The following THSD7B variants were observed in gnomAD, a reference collection of about 807,000 sequenced individuals.
THSD7B encodes the protein thrombospondin type-1 domain-containing protein 7B.
A neutral mutation model predicts 213.6 loss-of-function variants in THSD7B; 138 were observed. That is an observed-to-expected ratio of 0.65 (90% CI 0.56 to 0.74). The LOEUF is 0.74. Ranked by LOEUF, THSD7B falls within the 30% of genes least tolerant of loss-of-function variation. The probability of loss-of-function intolerance (pLI) is 0.00; values close to 1 mark genes in which losing one functional copy is unlikely to be tolerated. For missense variants in THSD7B, 1,931 were observed against 1,991.5 expected, an observed-to-expected ratio of 0.97 and a Z score of 0.58; for synonymous variants, 742 against 687.0, an observed-to-expected ratio of 1.08 and a Z score of -1.25.
rs796159626 is a variant in THSD7B at position 136,976,632 on chromosome 2, C to CTT, written c.140-79778_140-79777dup. ...TCAGAGATATTGGCCTGAAGTTTTC[C>CTT]TTTTTTTTTTTCTTTTTTTGAGATG... On this transcript the variant is annotated intron_variant, in intron 2 of 27. Transcript: ENST00000409968. 3.4e-5 allele frequency among the ~76,000 whole-genome samples: 5 copies of CTT among 145,632 alleles called. No homozygotes were observed. In the East Asian group the frequency reaches 8.0e-4, roughly 23 times the overall value.
intron 2 of THSD7B, among the ~76,000 whole-genome samples, chr2:136,928,337 G>GCA (rs1201907595): frequency 4.6e-5 from 7 of 152,268 alleles, no homozygotes; most frequent in African/African-American, 1.7e-4. Flanking sequence ...TTTCTACTAA[G>GCA]CACATATGGC....
At chr2:137,242,639 T>A in intron 10 of THSD7B, 67 bp downstream of exon 10, 2 of 1,233,752 alleles carry the variant, frequency 1.6e-6, no homozygotes, top group Non-Finnish European at 2.3e-6. Flanking sequence ...TCTAAGTAAG[T>A]GAGAGGTTGT....
chr2:137,096,623 G>A (rs184321841), intron 4 of THSD7B, among the ~76,000 whole-genome samples: 34 of 152,222 alleles, frequency 2.2e-4, no homozygotes, highest in Middle Eastern at 3.4e-3. Context: ...ACCCTTCCTC[G>A]TTGTGTTGTG....
rs560982364 is a variant in THSD7B at position 137,560,061 on chromosome 2, A to G, written c.3139-3160A>G. ...GCGATCATTAAAAAGTCAGGAAACA[A>G]CAGGTGCTGGAGAGGATGTGGAGAA... is the stretch of plus-strand genomic sequence containing the variant. On this transcript the variant is annotated intron_variant, in intron 15 of 27. Coordinates refer to ENST00000409968, the MANE Select transcript of THSD7B (RefSeq NM_001316349.2). Among the ~76,000 whole-genome samples, 5 of 140,762 alleles carry G rather than the reference A, an allele frequency of 3.6e-5. No homozygotes were observed. The South Asian group carries it at 9.0e-4, about 25-fold the overall frequency. 92.3% of individuals were successfully genotyped at this position (140,762 alleles called of 152,430 possible). A position where few individuals can be genotyped will look rare whatever the true frequency, so the allele number is the denominator to read the frequency against.
At chr2:137,227,472 A>G (rs1360663614) in intron 7 of THSD7B, among the ~76,000 whole-genome samples, 2 of 152,162 alleles carry the variant, frequency 1.3e-5, no homozygotes, top group Non-Finnish European at 2.9e-5. Context: ...ATCACTTTTA[A>G]TGGCTAAGCT....
intron 1 of THSD7B, among the ~76,000 whole-genome samples, chr2:136,837,684 C>T (rs1404904155): frequency 6.6e-6 from 1 of 152,204 alleles, no homozygotes; most frequent in East Asian, 1.9e-4. Flanking sequence ...TCATCACTGT[C>T]TCTAGAAACA....
chr2:136,808,946 C>A (rs1252458284), intron 1 of THSD7B, among the ~76,000 whole-genome samples: 4 of 152,064 alleles, frequency 2.6e-5, no homozygotes, highest in African/African-American at 9.7e-5. Flanking sequence ...TTGCTTAAGC[C>A]ACTGTTTATT....
intron 2 of THSD7B, among the ~76,000 whole-genome samples, chr2:136,920,398 A>G (rs971713812): frequency 3.3e-5 from 5 of 152,178 alleles, no homozygotes; most frequent in African/African-American, 1.2e-4. Flanking sequence ...TTGGCAGAGA[A>G]GAGACCTGTA....
intron 2 of THSD7B, among the ~76,000 whole-genome samples, chr2:137,027,597 A>G (rs1487911319): frequency 6.6e-6 from 1 of 152,206 alleles, no homozygotes; most frequent in Non-Finnish European, 1.5e-5. Flanking sequence ...GAAAGAGGAA[A>G]TAAAGGTTTT....
At chr2:137,008,476 A>G (rs11889111) in intron 2 of THSD7B, among the ~76,000 whole-genome samples, 4,839 of 152,274 alleles carry the variant, frequency 0.032, 253 homozygotes, top group African/African-American at 0.11. Flanking sequence ...AGGAAAATTG[A>G]ATTTATGACC....
At position 137,419,375 on chromosome 2, in the gene THSD7B, C is replaced by T. The variant is rs1438736421; in HGVS notation, c.2959+7503C>T. ...CCCCACTTTTGGTGGGTCCTGAGTTCTTGTCCCACATCAAAGAAGAATGAG... is the reference window on the plus strand; with the variant it reads ...CCCCACTTTTGGTGGGTCCTGAGTTTTTGTCCCACATCAAAGAAGAATGAG... On this transcript the variant is annotated intron_variant, in intron 14 of 27. Transcript: ENST00000409968. Among the ~76,000 whole-genome samples, 56 of 96,016 alleles carry T rather than the reference C, an allele frequency of 5.8e-4. 6 individuals are homozygous for T. The highest frequency in any genetic ancestry group is 1.0e-3 in the Non-Finnish European group (36 of 36,048). 63.0% of individuals were successfully genotyped at this position (96,016 alleles called of 152,430 possible).
At chr2:137,198,435 C>T (rs35784757) in intron 7 of THSD7B, among the ~76,000 whole-genome samples, 7,015 of 152,212 alleles carry the variant, frequency 0.046, 198 homozygotes, top group Admixed American at 0.069. Flanking sequence ...AATGGAAAAA[C>T]GCTTCACTAC....
At chr2:136,970,207 TA>T (rs1341909739) in intron 2 of THSD7B, among the ~76,000 whole-genome samples, 1 of 152,140 alleles carries the variant, frequency 6.6e-6, no homozygotes, top group African/African-American at 2.4e-5. Context: ...CTCATACCTG[TA>T]ATCACAGCAC....
chr2:137,476,732 G>T (rs149629689), intron 15 of THSD7B, among the ~76,000 whole-genome samples: 7,109 of 152,142 alleles, frequency 0.047, 568 homozygotes, highest in African/African-American at 0.16. Flanking sequence ...TAGAGACGGG[G>T]TTTTACCATG....
At chr2:137,595,279 A>T (rs567778265) in intron 17 of THSD7B, among the ~76,000 whole-genome samples, 1 of 152,138 alleles carries the variant, frequency 6.6e-6, no homozygotes, top group East Asian at 1.9e-4. Context: ...TGAAAATGCT[A>T]TACCTGCTCC....
chr2:137,416,662 C>T (rs537197178), intron 14 of THSD7B, among the ~76,000 whole-genome samples: 7 of 152,166 alleles, frequency 4.6e-5, no homozygotes, highest in Non-Finnish European at 8.8e-5. Flanking sequence ...ACACATATGC[C>T]CATATACAGG....
chr2:136,965,336 T>G (rs62172678), intron 2 of THSD7B, among the ~76,000 whole-genome samples: 15,397 of 152,174 alleles, frequency 0.1, 1,008 homozygotes, highest in East Asian at 0.16. Flanking sequence ...ATAACACATA[T>G]GGTGAAGAGT....
intron 1 of THSD7B, among the ~76,000 whole-genome samples, chr2:136,771,775 G>A (rs1015869929): frequency 6.6e-6 from 1 of 152,088 alleles, no homozygotes; most frequent in Non-Finnish European, 1.5e-5. Context: ...GGATTTAAAT[G>A]GTGAAGGGCA....
At chr2:136,833,862 T>A (rs891180332) in intron 1 of THSD7B, among the ~76,000 whole-genome samples, 2 of 152,170 alleles carry the variant, frequency 1.3e-5, no homozygotes, top group Non-Finnish European at 2.9e-5. Flanking sequence ...TTCATAAAAA[T>A]TGTAAAATTC....
Sources: allele counts gnomAD v4.1 joint callset (sites outside exome capture counted in the v4.1 genomes callset), GRCh38; gene constraint gnomAD v4.1.1; transcripts MANE v1.5; gene names NCBI Gene and HGNC (gene_info 2026-07-23, HGNC 2026-07-21).